IL1RAPL2: variants seen among roughly 807,000 people sequenced by gnomAD.
The protein encoded by IL1RAPL2 is X-linked interleukin-1 receptor accessory protein-like 2.
In IL1RAPL2, 3 loss-of-function variants were observed where a neutral mutation model predicts 44.1. That is an observed-to-expected ratio of 0.07 (90% CI 0.03 to 0.18). The LOEUF (loss-of-function observed/expected upper bound fraction) is 0.18. IL1RAPL2 is among the 10% of genes least tolerant of loss of function. IL1RAPL2 has a pLI of 1.00. For missense variants in IL1RAPL2, 391 were observed against 496.4 expected, an observed-to-expected ratio of 0.79 and a Z score of 2.02; for synonymous variants, 181 against 178.8, an observed-to-expected ratio of 1.01 and a Z score of -0.10.
intron 5 of IL1RAPL2, among the ~76,000 whole-genome samples, chrX:105,329,428 A>G (rs2034968657): frequency 8.9e-6 from 1 of 111,891 alleles, no homozygotes; most frequent in Non-Finnish European, 1.9e-5. Flanking sequence ...TATTCCAGTG[A>G]TTATTCTATT....
At chrX:104,611,501 A>G (rs996697098) in intron 1 of IL1RAPL2, among the ~76,000 whole-genome samples, 2 of 110,888 alleles carry the variant, frequency 1.8e-5, no homozygotes, top group Non-Finnish European at 3.8e-5. Flanking sequence ...TCCCGTCTCC[A>G]AGCTCCAGCA....
At chrX:104,601,869 C>A (rs1053728933) in intron 1 of IL1RAPL2, among the ~76,000 whole-genome samples, 11 of 111,692 alleles carry the variant, frequency 9.8e-5, no homozygotes, top group Non-Finnish European at 1.9e-4. Context: ...ACCATCTGAC[C>A]CAGCAAATAC....
intron 2 of IL1RAPL2, among the ~76,000 whole-genome samples, chrX:105,064,254 C>T (rs968475657): frequency 8.9e-6 from 1 of 112,072 alleles, no homozygotes; most frequent in African/African-American, 3.2e-5. Context: ...GCACTCAAAC[C>T]ATGAGATGCA....
chrX:104,840,570 T>A, intron 2 of IL1RAPL2, among the ~76,000 whole-genome samples: 1 of 110,959 alleles, frequency 9.0e-6, no homozygotes, highest in Middle Eastern at 4.6e-3. Context: ...TGTGTAGATG[T>A]CTACTAGGCC....
At chrX:104,637,105 C>A (rs1395322109) in intron 1 of IL1RAPL2, among the ~76,000 whole-genome samples, 1 of 107,482 alleles carries the variant, frequency 9.3e-6, no homozygotes. Flanking sequence ...GTGGAACTAA[C>A]ATTTTTGTTT....
chrX:105,415,222 G>T (rs769672104), intron 5 of IL1RAPL2, among the ~76,000 whole-genome samples: 1 of 111,702 alleles, frequency 9.0e-6, no homozygotes, highest in African/African-American at 3.2e-5. Context: ...CTGGTGACTC[G>T]GGTTCCCTTC....
intron 6 of IL1RAPL2, among the ~76,000 whole-genome samples, chrX:105,656,082 C>T (rs373996286): frequency 3.6e-5 from 4 of 110,987 alleles, no homozygotes; most frequent in South Asian, 7.6e-4. Flanking sequence ...TTTTTGGTAC[C>T]CATCAACCAT....
At chrX:105,193,591 T>G (rs1400374318) in intron 2 of IL1RAPL2, among the ~76,000 whole-genome samples, 1 of 112,083 alleles carries the variant, frequency 8.9e-6, no homozygotes, top group Non-Finnish European at 1.9e-5. Context: ...TCCAGAAAGT[T>G]CAGCAAATTC....
chrX:105,161,926 T>C (rs2033328614), intron 2 of IL1RAPL2, among the ~76,000 whole-genome samples: 1 of 112,018 alleles, frequency 8.9e-6, no homozygotes, highest in African/African-American at 3.2e-5. Context: ...AGCGGTGTTA[T>C]GGGAGACTTC....
chrX:105,317,360 C>T (rs1216837864), intron 5 of IL1RAPL2, among the ~76,000 whole-genome samples: 2 of 111,819 alleles, frequency 1.8e-5, no homozygotes, highest in African/African-American at 3.2e-5. Context: ...ATGGGGTTTT[C>T]GCTTTTTCTC....
chrX:104,772,130 G>GC (rs1365780335), intron 2 of IL1RAPL2, among the ~76,000 whole-genome samples: 2 of 111,310 alleles, frequency 1.8e-5, no homozygotes, highest in Non-Finnish European at 3.8e-5. Context: ...TTCATTTTAT[G>GC]CACGGGTATT....
chrX:105,101,919 TG>T (rs758445753), intron 2 of IL1RAPL2, among the ~76,000 whole-genome samples: 47 of 112,293 alleles, frequency 4.2e-4, no homozygotes, highest in Non-Finnish European at 8.3e-4. Context: ...ATCATTTAGC[TG>T]AATGCAGGAA....
intron 2 of IL1RAPL2, among the ~76,000 whole-genome samples, chrX:105,084,380 A>G (rs1002484027): frequency 2.7e-5 from 3 of 113,135 alleles, no homozygotes; most frequent in Non-Finnish European, 3.7e-5. Flanking sequence ...CCACTGGGGC[A>G]GAGCTGCCCA....
chrX:105,677,877 GTCAAATTCTACCACATAT>G (rs1331901149), intron 6 of IL1RAPL2, among the ~76,000 whole-genome samples: 1 of 112,014 alleles, frequency 8.9e-6, no homozygotes, highest in Non-Finnish European at 1.9e-5. Context: ...TTGCAGTGTA[GTCAAATTCTACCACATAT>G]TAGCCTATTA....
intron 5 of IL1RAPL2, among the ~76,000 whole-genome samples, chrX:105,459,758 A>G (rs900919135): frequency 2.1e-4 from 23 of 111,885 alleles, no homozygotes; most frequent in Non-Finnish European, 2.3e-4. Context: ...TCAAAAATAA[A>G]TTTTTATTAT....
At chrX:104,727,235 C>T (rs1931814226) in intron 2 of IL1RAPL2, among the ~76,000 whole-genome samples, 1 of 110,593 alleles carries the variant, frequency 9.0e-6, no homozygotes. Flanking sequence ...ACTCAAATGT[C>T]TCAATAACAA....
chrX:105,430,864 A>G (rs1422449264), intron 5 of IL1RAPL2, among the ~76,000 whole-genome samples: 2 of 111,581 alleles, frequency 1.8e-5, no homozygotes, highest in Admixed American at 9.6e-5. Context: ...TCTTTGAAGT[A>G]GCATTTTAGA....
At chrX:104,577,138 T>C (rs1228238546) in intron 1 of IL1RAPL2, among the ~76,000 whole-genome samples, 1 of 112,023 alleles carries the variant, frequency 8.9e-6, no homozygotes, top group Non-Finnish European at 1.9e-5. Context: ...TTCCCTAGTG[T>C]TTTGTTCAAA....
chrX:105,053,352 GTAA>G (rs1337565805), intron 2 of IL1RAPL2, among the ~76,000 whole-genome samples: 3 of 111,389 alleles, frequency 2.7e-5, no homozygotes, highest in South Asian at 3.8e-4. Flanking sequence ...AGTTGATCAA[GTAA>G]TAATAATAAT....
Sources: gnomAD v4.1 joint callset for allele counts (sites outside exome capture counted in the v4.1 genomes callset) on GRCh38, gnomAD v4.1.1 for gene constraint, MANE v1.5 for transcripts, NCBI Gene and HGNC (gene_info 2026-07-23, HGNC 2026-07-21) for gene names.